Variants in GALNTL6 observed in about 807,000 individuals in gnomAD.
GALNTL6 encodes polypeptide N-acetylgalactosaminyltransferase like 6, also known as polypeptide N-acetylgalactosaminyltransferase-like 6.
In GALNTL6, 46 loss-of-function variants were observed where a neutral mutation model predicts 73.7. That is an observed-to-expected ratio of 0.62 (90% CI 0.49 to 0.80). The LOEUF is 0.80. GALNTL6 is among the 30% of genes least tolerant of loss of function. The pLI is 0.00. For synonymous variants in GALNTL6, 259 were observed against 263.7 expected (o/e 0.98, Z 0.17); for missense variants, 604 against 755.0 (o/e 0.80, Z 2.34).
At chr4:172,323,587 A>G (rs1381776868) in intron 4 of GALNTL6, among the ~76,000 whole-genome samples, 2 of 146,808 alleles carry the variant, frequency 1.4e-5, no homozygotes, top group Non-Finnish European at 2.9e-5. Context: ...AAAGGTTGAA[A>G]GAAAATAATT....
chr4:171,963,156 A>T (rs1389574592), intron 2 of GALNTL6, among the ~76,000 whole-genome samples: 6 of 151,524 alleles, frequency 4.0e-5, no homozygotes, highest in Non-Finnish European at 8.8e-5. Context: ...AATTTATAGG[A>T]TCATAGTATA....
chr4:172,973,468 A>C (rs1750669356), intron 10 of GALNTL6, among the ~76,000 whole-genome samples: 1 of 152,240 alleles, frequency 6.6e-6, no homozygotes, highest in African/African-American at 2.4e-5. Flanking sequence ...AATCTAATTT[A>C]GTCAATAAGT....
intron 2 of GALNTL6, among the ~76,000 whole-genome samples, chr4:171,897,422 T>C (rs969184225): frequency 1.3e-5 from 2 of 152,188 alleles, no homozygotes; most frequent in African/African-American, 4.8e-5. Context: ...TTAGACAAGA[T>C]TTCTTGAAGA....
intron 5 of GALNTL6, among the ~76,000 whole-genome samples, chr4:172,691,723 T>A (rs1560883594): frequency 6.6e-6 from 1 of 152,184 alleles, no homozygotes; most frequent in Admixed American, 6.5e-5. Flanking sequence ...GTGCATCTGA[T>A]ACAGAGACCT....
chr4:172,459,182 C>T (rs1193816286), intron 5 of GALNTL6, among the ~76,000 whole-genome samples: 2 of 152,160 alleles, frequency 1.3e-5, no homozygotes, highest in African/African-American at 2.4e-5. Flanking sequence ...GCTAAAAACT[C>T]TCAATAAACT....
intron 3 of GALNTL6, among the ~76,000 whole-genome samples, chr4:172,233,698 A>G (rs1269537453): frequency 6.6e-6 from 1 of 152,122 alleles, no homozygotes; most frequent in Non-Finnish European, 1.5e-5. Flanking sequence ...GGTATAGCTC[A>G]CCAAAAAAGA....
At chr4:172,276,000 T>C (rs543677547) in intron 3 of GALNTL6, among the ~76,000 whole-genome samples, 5 of 152,204 alleles carry the variant, frequency 3.3e-5, no homozygotes, top group African/African-American at 1.2e-4. Context: ...TGGTTTCCAC[T>C]TTGGTAGAGA....
chr4:172,682,962 A>G (rs1282664805), intron 5 of GALNTL6, among the ~76,000 whole-genome samples: 1 of 152,080 alleles, frequency 6.6e-6, no homozygotes, highest in East Asian at 1.9e-4. Flanking sequence ...TCTTTATAAC[A>G]CAACTTTAGG....
chr4:172,661,459 G>T (rs925426773), intron 5 of GALNTL6, among the ~76,000 whole-genome samples: 1 of 151,938 alleles, frequency 6.6e-6, no homozygotes, highest in Non-Finnish European at 1.5e-5. Flanking sequence ...TGGCTAACAC[G>T]GTGAGTAAAC....
chr4:172,075,423 C>T (rs1232269089), intron 2 of GALNTL6, among the ~76,000 whole-genome samples: 2 of 152,118 alleles, frequency 1.3e-5, no homozygotes, highest in African/African-American at 4.8e-5. Context: ...CAAGCTCTGC[C>T]TCCTGGGTTT....
chr4:171,988,772 A>T (rs1740207685), intron 2 of GALNTL6, among the ~76,000 whole-genome samples: 1 of 152,110 alleles, frequency 6.6e-6, no homozygotes, highest in South Asian at 2.1e-4. Context: ...GTGGGATGGG[A>T]TATTGGCATT....
At chr4:172,941,263 A>C (rs1353382391) in intron 9 of GALNTL6, among the ~76,000 whole-genome samples, 1 of 152,214 alleles carries the variant, frequency 6.6e-6, no homozygotes, top group African/African-American at 2.4e-5. Context: ...GAGGACCAAG[A>C]TTTTATGTTA....
chr4:172,987,103 G>A (rs909468056), intron 10 of GALNTL6, among the ~76,000 whole-genome samples: 59 of 151,988 alleles, frequency 3.9e-4, no homozygotes, highest in African/African-American at 1.4e-3. Context: ...ACAAATCATG[G>A]TAGGACTGAT....
chr4:172,807,249 G>A (rs531016633), intron 5 of GALNTL6, among the ~76,000 whole-genome samples: 33 of 152,308 alleles, frequency 2.2e-4, no homozygotes, highest in Admixed American at 3.9e-4. Context: ...TCCTGGTTGA[G>A]ATAGCACAAT....
chr4:172,148,035 C>G (rs1261032883), intron 2 of GALNTL6, among the ~76,000 whole-genome samples: 5 of 151,992 alleles, frequency 3.3e-5, no homozygotes, highest in Non-Finnish European at 7.4e-5. Flanking sequence ...GTATGATCAA[C>G]TAAAGGAATA....
chr4:172,337,805 G>A (rs1044983329), intron 4 of GALNTL6, among the ~76,000 whole-genome samples: 2 of 150,706 alleles, frequency 1.3e-5, no homozygotes, highest in Non-Finnish European at 3.0e-5. Context: ...CTTGCATCTG[G>A]ATACCTATTT....
At chr4:172,434,935 A>G (rs1175965545) in intron 5 of GALNTL6, among the ~76,000 whole-genome samples, 1 of 152,040 alleles carries the variant, frequency 6.6e-6, no homozygotes, top group Non-Finnish European at 1.5e-5. Context: ...TCTTTTAAGC[A>G]TTAAGTATTC....
chr4:172,989,444 C>T (rs1751447282), intron 10 of GALNTL6, among the ~76,000 whole-genome samples: 1 of 152,126 alleles, frequency 6.6e-6, no homozygotes. Flanking sequence ...GTGAGAAGGA[C>T]ATGAGATATG....
chr4:172,527,421 G>T (rs908985910), intron 5 of GALNTL6, among the ~76,000 whole-genome samples: 1 of 152,172 alleles, frequency 6.6e-6, no homozygotes, highest in Non-Finnish European at 1.5e-5. Context: ...ACCTGGTAAA[G>T]TCTGAAATAC....
Sources: allele counts gnomAD v4.1 joint callset (sites outside exome capture counted in the v4.1 genomes callset), GRCh38; gene constraint gnomAD v4.1.1; transcripts MANE v1.5; gene names NCBI Gene and HGNC (gene_info 2026-07-23, HGNC 2026-07-21).